The following MPRIP variants were observed in gnomAD, a reference collection of about 807,000 sequenced individuals.
MPRIP encodes the protein myosin phosphatase Rho-interacting protein.
Under a neutral mutation model 234.9 loss-of-function variants are expected in MPRIP, and 59 were observed. That is an observed-to-expected ratio of 0.25 (90% confidence interval 0.20 to 0.31). MPRIP has a LOEUF of 0.31. Ranked by LOEUF, MPRIP falls within the 10% of genes least tolerant of loss-of-function variation. MPRIP has a pLI of 1.00. For synonymous variants in MPRIP, 1,144 were observed against 1,263.9 expected, an observed-to-expected ratio of 0.91 and a Z score of 2.01; for missense variants, 2,436 against 3,071.0, an observed-to-expected ratio of 0.79 and a Z score of 4.89.
chr17:17,181,335 C>T (rs1248110635), intron 23 of MPRIP, among the ~76,000 whole-genome samples: 1 of 152,070 alleles, frequency 6.6e-6, no homozygotes, highest in Non-Finnish European at 1.5e-5. Context: ...CTCGTTCATC[C>T]CGGAATGAGA....
chr17:17,160,135 G>A (rs1368464995), intron 14 of MPRIP, among the ~76,000 whole-genome samples: 1 of 152,270 alleles, frequency 6.6e-6, no homozygotes, highest in East Asian at 1.9e-4. Flanking sequence ...TTGGGAGGCC[G>A]AGGCGGGCGG....
intron 3 of MPRIP, among the ~76,000 whole-genome samples, chr17:17,102,483 G>T (rs1168812521): frequency 6.6e-6 from 1 of 152,258 alleles, no homozygotes; most frequent in East Asian, 1.9e-4. Flanking sequence ...GATGGGGCAG[G>T]TGATCGTCAG....
rs2046009396 is a variant in MPRIP at position 17,166,815 on chromosome 17, C to G, written c.5224C>G (p.Gln1742Glu). ...TCCAGCGGGCCATGAAGATGGTGTTCAGCTGTCCTGGGACCTGAGCCCCTT... is the reference window on the plus strand; with the variant it reads ...TCCAGCGGGCCATGAAGATGGTGTTGAGCTGTCCTGGGACCTGAGCCCCTT... Reference protein sequence around the residue: ...RLPAGHEDGVQLSWDLSPLGE... With the variant: ...RLPAGHEDGVELSWDLSPLGE... Residue 1742 changes from glutamine (Q) to glutamate (E), a missense_variant, in exon 16 of 24, where the codon CAG (glutamine) becomes GAG (glutamate). Transcript: ENST00000651222. The surrounding 1 kb of genome is among the most constrained non-coding windows in gnomAD (Gnocchi z 4.4). 3 of 1,304,200 alleles carry G rather than the reference C, an allele frequency of 2.3e-6. No individual in the cohort carries two copies. The highest frequency in any genetic ancestry group is 3.0e-6 in the Non-Finnish European group (3 of 988,952). 80.8% of individuals were successfully genotyped at this position (1,304,200 alleles called of 1,614,324 possible).
rs915512119 is a variant in MPRIP, at chr17:17,051,972, C to T, written c.123+9001C>T. ...CGAGACTCTGAGTGGATGGGCCTGC[C>T]GGATCCTTTGAACCTCTACCTACTA... On this transcript the variant is annotated intron_variant, in intron 1 of 23. Transcript: ENST00000651222. Among the ~76,000 whole-genome samples the T allele has an allele frequency of 7.9e-4, 120 of 152,388 alleles. 1 individual carries two copies. The highest frequency in any genetic ancestry group is 2.7e-3 in the African/African-American group (112 of 41,600).
At chr17:17,179,873 A>C (rs2046336360) in intron 22 of MPRIP, 130 bp from the exon 23 acceptor site, 1 of 715,512 alleles carries the variant, frequency 1.4e-6, no homozygotes, top group Non-Finnish European at 2.4e-6. Context: ...ATTCCCTTAG[A>C]GTTGTTTAAG....
chr17:17,157,532 G>T (rs777077484), intron 13 of MPRIP, among the ~76,000 whole-genome samples: 1 of 152,174 alleles, frequency 6.6e-6, no homozygotes, highest in Non-Finnish European at 1.5e-5. Context: ...AGCTGGATTG[G>T]GCTTTTAAAA....
rs775042370 is a variant in MPRIP, at chr17:17,131,617, G to A, written c.420G>A (p.Gly140=). Residue 140 remains glycine (G), a splice_region_variant and synonymous_variant, in exon 5 of 24, where the codon GGG becomes GGA. Transcript: ENST00000651222. ...TACTTGTCTCCTTTTCTCTTCCCAG[G>A]TGGCTGGAGATGCTCATGGTCTATC... ...IRAETKEIVS[G]WLEMLMVYPR... The A allele has an allele frequency of 6.8e-6, 11 of 1,613,934 alleles. No homozygotes were observed. In the Admixed American group the frequency reaches 1.5e-4, roughly 22 times the overall value.
intron 3 of MPRIP, among the ~76,000 whole-genome samples, chr17:17,105,142 C>G (rs2090038437): frequency 6.6e-6 from 1 of 152,214 alleles, no homozygotes; most frequent in African/African-American, 2.4e-5. Context: ...TAATTCCATT[C>G]GATGGAACCT....
intron 1 of MPRIP, among the ~76,000 whole-genome samples, chr17:17,055,944 A>G (rs1173599338): frequency 6.6e-6 from 1 of 152,226 alleles, no homozygotes; most frequent in Non-Finnish European, 1.5e-5. Context: ...AGAGAAGGGT[A>G]GAGAGAGGTA....
chr17:17,167,542 G>A lies in MPRIP; in HGVS notation c.5951G>A (p.Arg1984Lys), dbSNP rs3744128. 2.7e-3 allele frequency: 3,582 copies of A among 1,304,278 alleles called. 84 individuals are homozygous for A. The East Asian group carries it at 0.064, about 23-fold the overall frequency. 80.8% of individuals were successfully genotyped at this position (1,304,278 alleles called of 1,614,324 possible). A position where few individuals can be genotyped will look rare whatever the true frequency, so the allele number is the denominator to read the frequency against. ...LSQLDASVRD[R>K]QDMERHHGEQ... ...CAGCTGGATGCCTCGGTCAGAGACA[G>A]GCAGGACATGGAGAGGCATCATGGT... Residue 1984 changes from arginine to lysine, a missense_variant, in exon 16 of 24, where the codon AGG becomes AAG. This residue lies in a region of MPRIP where 1,998 missense variants were observed against 2,520.3 expected (regional missense o/e 0.79). Transcript: ENST00000651222. This position sits in a 1 kb window ranked among gnomAD's most constrained non-coding sequence, Gnocchi z 5.9.
In MPRIP at chr17:17,078,163, A is replaced by G; in HGVS notation, c.267+87A>G. 7.4e-7 allele frequency: 1 copy of G among 1,351,558 alleles called. No homozygotes were observed. Among genetic ancestry groups the G allele is most frequent in the Admixed American group, 1.7e-5 (1 of 59,104 alleles). 83.7% of individuals were successfully genotyped at this position (1,351,558 alleles called of 1,614,324 possible). ...CCCTTGCGTTGTCATGTGAGAGCAC[A>G]GCAGCCATGTGCTCCTGCTTGTGTC... On this transcript the variant is annotated intron_variant, in intron 3 of 23. Coordinates refer to ENST00000651222, the MANE Select transcript of MPRIP (RefSeq NM_001364716.4). The surrounding 1 kb of genome is among the most constrained non-coding windows in gnomAD (Gnocchi z 4.3).
At chr17:17,127,855 C>G (rs1032030854) in intron 4 of MPRIP, among the ~76,000 whole-genome samples, 1 of 152,214 alleles carries the variant, frequency 6.6e-6, no homozygotes, top group Non-Finnish European at 1.5e-5. Context: ...GGTGAGTGAG[C>G]ACAGCTGGAA....
intron 3 of MPRIP, among the ~76,000 whole-genome samples, chr17:17,124,425 C>T (rs1485261876): frequency 1.3e-5 from 2 of 152,182 alleles, no homozygotes; most frequent in Admixed American, 6.5e-5. Context: ...CACGCATGCA[C>T]ACTCATAATA....
intron 3 of MPRIP, among the ~76,000 whole-genome samples, chr17:17,092,974 G>C (rs2089754688): frequency 6.6e-6 from 1 of 152,186 alleles, no homozygotes; most frequent in South Asian, 2.1e-4. Context: ...GAGAAGTCCT[G>C]GGTGCTGTGA....
chr17:17,184,747 G>A (rs781295863), intron 23 of MPRIP, 76 bp from the exon 24 acceptor site: 207 of 1,171,148 alleles, frequency 1.8e-4, no homozygotes, highest in Non-Finnish European at 2.5e-4. Flanking sequence ...CCAGCGGTCC[G>A]GTCTGGTCCG....
intron 3 of MPRIP, among the ~76,000 whole-genome samples, chr17:17,080,107 A>T (rs2089428689): frequency 6.6e-6 from 1 of 152,220 alleles, no homozygotes; most frequent in Non-Finnish European, 1.5e-5. Flanking sequence ...CTGGCAGATG[A>T]CCTGGGAGCT....
At chr17:17,128,835 G>C (rs372999084) in intron 4 of MPRIP, among the ~76,000 whole-genome samples, 1 of 152,136 alleles carries the variant, frequency 6.6e-6, no homozygotes, top group African/African-American at 2.4e-5. Flanking sequence ...TCTGTCTCCT[G>C]CCCTCGCTGA....
chr17:17,124,059 C>T (rs1037687375), intron 3 of MPRIP, among the ~76,000 whole-genome samples: 1 of 152,162 alleles, frequency 6.6e-6, no homozygotes, highest in Admixed American at 6.5e-5. Flanking sequence ...TTCTGAAATC[C>T]TTTTTGGAAG....
chr17:17,121,383 G>A (rs1447768657), intron 3 of MPRIP, among the ~76,000 whole-genome samples: 1 of 152,210 alleles, frequency 6.6e-6, no homozygotes, highest in African/African-American at 2.4e-5. Flanking sequence ...GACTAACATC[G>A]TTGTGCGGTG....
Sources: allele counts gnomAD v4.1 joint callset (sites outside exome capture counted in the v4.1 genomes callset), GRCh38; gene constraint gnomAD v4.1.1; regional missense constraint gnomAD v4.1.1; non-coding constraint Gnocchi (gnomAD v3.1); transcripts MANE v1.5; gene names NCBI Gene and HGNC (gene_info 2026-07-23, HGNC 2026-07-21).